The following TAP2 variants were observed in gnomAD, a reference collection of about 807,000 sequenced individuals.
TAP2 encodes the protein antigen peptide transporter 2.
Under a neutral mutation model 74.7 loss-of-function variants are expected in TAP2, and 49 were observed. The ratio of observed to expected loss-of-function variants is 0.66; its 90% CI spans 0.52 to 0.83. The LOEUF (loss-of-function observed/expected upper bound fraction) is 0.83, where lower values mean the gene tolerates loss of function less well. Ranked by LOEUF, TAP2 falls within the 40% of genes least tolerant of loss-of-function variation. TAP2 has a pLI of 0.00. For missense variants in TAP2, 739 were observed against 859.0 expected, an observed-to-expected ratio of 0.86 and a Z score of 1.75; for synonymous variants, 306 against 368.4, an observed-to-expected ratio of 0.83 and a Z score of 1.94.
rs904089056 is a variant in TAP2, at chr6:32,835,778, G to T, written c.609-5C>A. On this transcript the variant is annotated splice_polypyrimidine_tract_variant and splice_region_variant and intron_variant, in intron 3 of 11. Transcript: ENST00000374897. This position sits in a 1 kb window ranked among gnomAD's most constrained non-coding sequence, Gnocchi z 4.0. ...CGGCAGCCTGCAGACAGTGAGCTGT[G>T]GGGTAGGAGAATAAGAGGGGAGGGA... 3 of 1,613,010 alleles carry T rather than the reference G, an allele frequency of 1.9e-6. No individual in the cohort carries two copies. The highest frequency in any genetic ancestry group is 2.7e-5 in the African/African-American group (2 of 74,910).
intron 10 of TAP2, 120 bp downstream of exon 10, chr6:32,829,810 G>T: frequency 1.5e-6 from 2 of 1,355,522 alleles, no homozygotes; most frequent in South Asian, 1.2e-5. Flanking sequence ...ACGTAGGAAT[G>T]GAGGAAAGGG....
Position 32,828,681 on chromosome 6 carries a change from A to ACCCCCCCCCCCCCCC in TAP2, c.*224_*225insGGGGGGGGGGGGGGG. 1.6e-6 allele frequency: 1 copy of ACCCCCCCCCCCCCCC among 606,158 alleles called. No individual in the cohort carries two copies. Among genetic ancestry groups the ACCCCCCCCCCCCCCC allele is most frequent in the Non-Finnish European group, 2.0e-6 (1 of 497,960 alleles). The allele number at this position is 606,158 out of a possible 1,614,324, so 37.5% of individuals were successfully genotyped here. A position where few individuals can be genotyped will look rare whatever the true frequency, so the allele number is the denominator to read the frequency against. On this transcript the variant is annotated 3_prime_UTR_variant, in exon 12 of 12. Coordinates refer to ENST00000374897, the MANE Select transcript of TAP2 (RefSeq NM_001290043.2). ...AGTTTCCTGGACACAGACAGCCCCC[A>ACCCCCCCCCCCCCCC]CCCCACCCCACCCCACCTCTCTACC...
At chr6:32,836,134 A>G (rs1769406008) in intron 3 of TAP2, among the ~76,000 whole-genome samples, 2 of 152,210 alleles carry the variant, frequency 1.3e-5, no homozygotes, top group Non-Finnish European at 2.9e-5. Flanking sequence ...AGCGTCCCTC[A>G]GGCTTGTCCC....
chr6:32,835,203 T>A lies in TAP2; in HGVS notation c.896A>T (p.His299Leu), dbSNP rs2127363106. 1 of 1,613,012 alleles carries A rather than the reference T, an allele frequency of 6.2e-7. No homozygotes were observed. The highest frequency in any genetic ancestry group is 2.2e-5 in the East Asian group (1 of 44,892). ...SPRLTLLSLL[H>L]MPFTIAAEKV... ...CTCCGCTGCTATTGTGAAGGGCATG[T>A]GCAGCAGAGAAAGGAGGGTGAGTCG... Residue 299 changes from histidine (H) to leucine (L), a missense_variant, in exon 5 of 12, where the codon CAC (histidine) becomes CTC (leucine). Transcript: ENST00000374897. The surrounding 1 kb of genome is among the most constrained non-coding windows in gnomAD (Gnocchi z 4.0).
intron 5 of TAP2, among the ~76,000 whole-genome samples, chr6:32,834,491 G>A (rs1396377980): frequency 1.3e-5 from 2 of 152,234 alleles, no homozygotes; most frequent in African/African-American, 2.4e-5. Flanking sequence ...GGGGTTGGGG[G>A]TAGTAGGCAG....
rs1769340722 is a variant in TAP2, at chr6:32,835,273, C to T, written c.826G>A (p.Val276Met). Residue 276 changes from valine (V) to methionine (M), a missense_variant, in exon 5 of 12, where the codon GTG becomes ATG. Val to Met is a conservative substitution (Grantham distance 21). Coordinates refer to ENST00000374897, the MANE Select transcript of TAP2 (RefSeq NM_001290043.2). This position sits in a 1 kb window ranked among gnomAD's most constrained non-coding sequence, Gnocchi z 4.0. Reference protein sequence around the residue: ...LNANVLLRSLVKVVGLYGFML... With the variant: ...LNANVLLRSLMKVVGLYGFML... ...AAGCCATACAGCCCCACCACTTTCA[C>T]CAGGCTTCGCAAGAGCACATTGGCA... The T allele has an allele frequency of 1.3e-5, 21 of 1,612,990 alleles. No individual in the cohort carries two copies. Among genetic ancestry groups the T allele is most frequent in the Non-Finnish European group, 1.6e-5 (19 of 1,180,042 alleles).
chr6:32,831,029 A>G (rs564273503), intron 7 of TAP2, among the ~76,000 whole-genome samples: 1 of 152,150 alleles, frequency 6.6e-6, no homozygotes, highest in Non-Finnish European at 1.5e-5. Flanking sequence ...TTCTCCTACC[A>G]TACAGCATTG....
intron 7 of TAP2, 63 bp from the exon 8 acceptor site, chr6:32,830,869 A>C: frequency 7.2e-7 from 1 of 1,391,180 alleles, no homozygotes; most frequent in Non-Finnish European, 1.0e-6. Flanking sequence ...CCACCCTCCC[A>C]ACTCCTCACA....
At position 32,828,236 on chromosome 6, in the gene TAP2, C is replaced by T. The variant is rs73738937; in HGVS notation, c.*670G>A. On this transcript the variant is annotated 3_prime_UTR_variant, in exon 12 of 12. Transcript: ENST00000374897. ...ACATGAAAAACACTTAGCATAGCTC[C>T]TACTCCCATTAAAACTCTATAAATG... 2.1e-3 allele frequency: 2,011 copies of T among 974,140 alleles called. 17 individuals are homozygous for T. In the African/African-American group the frequency reaches 0.028, roughly 14 times the overall value. The allele number at this position is 974,140 out of a possible 1,614,324, so 60.3% of individuals were successfully genotyped here. A position where few individuals can be genotyped will look rare whatever the true frequency, so the allele number is the denominator to read the frequency against.
At position 32,829,500 on chromosome 6, in the gene TAP2, T is replaced by C. The variant is rs1356945471; in HGVS notation, c.1832A>G (p.Gln611Arg). The C allele has an allele frequency of 6.2e-7, 1 of 1,614,220 alleles. No homozygotes were observed. Among genetic ancestry groups the C allele is most frequent in the Non-Finnish European group, 8.5e-7 (1 of 1,180,038 alleles). ...CCGGGCAATGGCCAGACGTTGTTTC[T>C]GTCCCGCAGCCAGCTGGCTTCCCTT... ...GEKGSQLAAG[Q>R]KQRLAIARAL... The change falls in exon 11 of 12, where the codon CAG becomes CGG. Residue 611 changes from glutamine (Q) to arginine (R), a missense_variant. Transcript: ENST00000374897.
chr6:32,836,977 C>T (rs997534705), intron 3 of TAP2, among the ~76,000 whole-genome samples: 3 of 152,208 alleles, frequency 2.0e-5, no homozygotes, highest in Admixed American at 6.5e-5. Context: ...TCATCCCAGT[C>T]CCAGCCTTAT....
intron 7 of TAP2, among the ~76,000 whole-genome samples, chr6:32,831,159 G>A (rs1197543659): frequency 1.3e-5 from 2 of 152,128 alleles, no homozygotes; most frequent in African/African-American, 4.8e-5. Context: ...CTTTGTAGCC[G>A]TCAGAGTGCC....
Position 32,828,676 on chromosome 6 carries a change from C to CGGG in TAP2, c.*229_*230insCCC. 1 of 802,746 alleles carries CGGG rather than the reference C, an allele frequency of 1.2e-6. No individual in the cohort carries two copies. Among genetic ancestry groups the CGGG allele is most frequent in the Non-Finnish European group, 1.5e-6 (1 of 680,830 alleles). The allele number at this position is 802,746 out of a possible 1,614,324, so 49.7% of individuals were successfully genotyped here. A position where few individuals can be genotyped will look rare whatever the true frequency, so the allele number is the denominator to read the frequency against. On this transcript the variant is annotated 3_prime_UTR_variant, in exon 12 of 12. Transcript: ENST00000374897. ...AATTAAGTTTCCTGGACACAGACAGCCCCCACCCCACCCCACCCCACCTCT... is the reference window on the plus strand; with the variant it reads ...AATTAAGTTTCCTGGACACAGACAGCGGGCCCCACCCCACCCCACCCCACCTCT...
chr6:32,822,826 C>T (rs916034103), downstream of TAP2, among the ~76,000 whole-genome samples: 28 of 151,942 alleles, frequency 1.8e-4, no homozygotes, highest in Non-Finnish European at 2.9e-4. Context: ...CCACTGCACC[C>T]GGCCTCTATT....
downstream of TAP2, among the ~76,000 whole-genome samples, chr6:32,824,807 G>T (rs1768528203): frequency 6.6e-6 from 1 of 151,918 alleles, no homozygotes; most frequent in Admixed American, 6.6e-5. Flanking sequence ...GACTTTAGGT[G>T]CTTTAACTTT....
At position 32,832,874 on chromosome 6, in the gene TAP2, G is replaced by GCC. The variant is rs1278471338; in HGVS notation, c.946-52_946-51dup. ...CAGGGCTGATGTGCAAAGACAGCAG[G>GCC]CCCCCACATCTTACTCCAGCCAGTG... On this transcript the variant is annotated intron_variant, in intron 5 of 11. Transcript: ENST00000374897. This position sits in a 1 kb window ranked among gnomAD's most constrained non-coding sequence, Gnocchi z 5.9. The GCC allele has an allele frequency of 5.6e-6, 9 of 1,592,940 alleles. No homozygotes were observed. The highest frequency in any genetic ancestry group is 7.7e-6 in the Non-Finnish European group (9 of 1,168,316).
At chr6:32,824,914 C>T (rs192745284), downstream of TAP2, among the ~76,000 whole-genome samples, 2 of 151,990 alleles carry the variant, frequency 1.3e-5, no homozygotes, top group Admixed American at 1.3e-4. Context: ...AGTCATATTT[C>T]ATTTCTCATT....
intron 7 of TAP2, 84 bp from the exon 8 acceptor site, chr6:32,830,890 A>C (rs2127356180): frequency 9.0e-7 from 1 of 1,116,612 alleles, no homozygotes; most frequent in South Asian, 1.3e-5. Flanking sequence ...CACTCCACTC[A>C]CAACTGCACT....
chr6:32,827,506 G>A lies in TAP2; in HGVS notation c.*1400C>T, dbSNP rs984499339. The A allele has an allele frequency of 2.4e-5, 8 of 340,348 alleles. No individual in the cohort carries two copies. The highest frequency in any genetic ancestry group is 1.6e-4 in the African/African-American group (7 of 44,882). The allele number at this position is 340,348 out of a possible 1,614,324, so 21.1% of individuals were successfully genotyped here. ...TAAAAGGGCTGTGAAAGAGGTAACC[G>A]CACAGTGATAGAAGCACATGGAGAG... is the stretch of plus-strand genomic sequence containing the variant. On this transcript the variant is annotated 3_prime_UTR_variant, in exon 12 of 12. Transcript: ENST00000374897.
Sources: gnomAD v4.1 joint callset for allele counts (sites outside exome capture counted in the v4.1 genomes callset) on GRCh38, gnomAD v4.1.1 for gene constraint, Gnocchi (gnomAD v3.1) non-coding constraint, MANE v1.5 for transcripts, NCBI Gene and HGNC (gene_info 2026-07-23, HGNC 2026-07-21) for gene names.